Variants in DGKD observed in about 807,000 individuals in gnomAD.
The protein encoded by DGKD is DAG kinase delta.
In DGKD, 68 loss-of-function variants were observed where a neutral mutation model predicts 154.4. The observed-to-expected ratio is 0.44, with a 90% CI of 0.36 to 0.54. DGKD has a LOEUF of 0.54. DGKD is among the 20% of genes least tolerant of loss of function. The pLI, the probability that DGKD is intolerant of heterozygous loss-of-function variation, is 0.00. For synonymous variants in DGKD, 693 were observed against 638.0 expected (o/e 1.09, Z -1.30); for missense variants, 1,343 against 1,593.6 (o/e 0.84, Z 2.68).
chr2:233,446,935 A>G, intron 12 of DGKD, 139 bp downstream of exon 12: 1 of 975,868 alleles, frequency 1.0e-6, no homozygotes, highest in East Asian at 2.7e-5. Flanking sequence ...GCGGAGGCGC[A>G]GGGTGAACCC....
At chr2:233,395,875 C>T (rs959949849) in intron 3 of DGKD, among the ~76,000 whole-genome samples, 2 of 152,044 alleles carry the variant, frequency 1.3e-5, no homozygotes, top group African/African-American at 4.8e-5. Flanking sequence ...TTGTAGCCAG[C>T]CCATATGGTG....
At chr2:233,446,568 G>A in intron 11 of DGKD, 144 bp from the exon 12 acceptor site, 1 of 726,462 alleles carries the variant, frequency 1.4e-6, no homozygotes, top group Non-Finnish European at 2.2e-6. Context: ...CAAGTTATGG[G>A]ACAGAGTCAA....
Position 233,452,161 on chromosome 2 carries a change from C to T in DGKD, c.2264+101C>T. On this transcript the variant is annotated intron_variant, in intron 18 of 29. Transcript: ENST00000264057. This position sits in a 1 kb window ranked among gnomAD's most constrained non-coding sequence, Gnocchi z 4.0. ...ACTAGAGAAATTAGTGAGCAGTTGC[C>T]CAGCTGGTGGTAGCTGATAAGGAAG... 8.9e-7 allele frequency: 1 copy of T among 1,122,508 alleles called. No individual in the cohort carries two copies. The highest frequency in any genetic ancestry group is 1.3e-6 in the Non-Finnish European group (1 of 750,236). The allele number at this position is 1,122,508 out of a possible 1,614,324, so 69.5% of individuals were successfully genotyped here.
At chr2:233,442,499 A>G (rs548347978) in intron 10 of DGKD, 2 of 278,908 alleles carry the variant, frequency 7.2e-6, no homozygotes, top group East Asian at 8.2e-5. Context: ...GTGATCAGCC[A>G]GTGCCAACAT....
intron 19 of DGKD, 30 bp from the exon 20 acceptor site, chr2:233,456,868 AC>A (rs757051598): frequency 2.6e-6 from 4 of 1,563,130 alleles, no homozygotes; most frequent in Non-Finnish European, 3.5e-6. Context: ...GAAAGCCCAG[AC>A]CTATGGCAAG....
intron 3 of DGKD, among the ~76,000 whole-genome samples, chr2:233,433,379 A>T (rs1348943494): frequency 6.6e-6 from 1 of 152,088 alleles, no homozygotes; most frequent in South Asian, 2.1e-4. Flanking sequence ...GTGGGAGCTA[A>T]TAAAAAAAAA....
rs1447462979 is a variant in DGKD, at chr2:233,451,982, C to T, written c.2186C>T (p.Ser729Phe). 1.2e-6 allele frequency: 2 copies of T among 1,614,030 alleles called. No homozygotes were observed. Among genetic ancestry groups the T allele is most frequent in the South Asian group, 2.2e-5 (2 of 91,074 alleles). ...TTTACAGATGTCCGGGCTGGAATGT[C>T]TGGTTCCTTACCCGGTGGCTCAGTC... ...ILYPNVRAGM[S>F]GSLPGGSVIS... Residue 729 changes from serine (S) to phenylalanine (F), a missense_variant, in exon 18 of 30, where the codon TCT (serine) becomes TTT (phenylalanine). Ser to Phe is a radical substitution (Grantham distance 155). Transcript: ENST00000264057.
chr2:233,375,012 G>A lies in DGKD; in HGVS notation c.157-13245G>A, dbSNP rs188484461. Among the ~76,000 whole-genome samples, 277 of 152,242 alleles carry A rather than the reference G, an allele frequency of 1.8e-3. 4 individuals carry two copies. Among genetic ancestry groups the A allele is most frequent in the Admixed American group, 0.016 (250 of 15,292 alleles). On this transcript the variant is annotated intron_variant, in intron 1 of 29. Transcript: ENST00000264057. ...TACACACTTGAAAACAGATGGAGCC[G>A]GGCGTGGTGGCTCATGCCTGTAATC... is the stretch of plus-strand genomic sequence containing the variant.
intron 3 of DGKD, among the ~76,000 whole-genome samples, chr2:233,414,013 T>G (rs1475564935): frequency 6.6e-6 from 1 of 152,124 alleles, no homozygotes; most frequent in Non-Finnish European, 1.5e-5. Context: ...CAAATAAAAT[T>G]AGGAAGCGGG....
chr2:233,460,115 G>A lies in DGKD; in HGVS notation c.2830-79G>A, dbSNP rs765360170. The A allele has an allele frequency of 4.8e-5, 74 of 1,547,188 alleles. No homozygotes were observed. The African/African-American group carries it at 7.2e-4, about 15-fold the overall frequency. The stretch of plus-strand genomic sequence containing the variant: ...TTTGTCTCTTTCTAGTTGTGATCTC[G>A]TTGGCATCCCCATAGTGTCTGTCGC... On this transcript the variant is annotated intron_variant, in intron 23 of 29. Coordinates refer to ENST00000264057, the MANE Select transcript of DGKD (RefSeq NM_152879.3).
intron 1 of DGKD, among the ~76,000 whole-genome samples, chr2:233,374,305 A>G (rs6431364): frequency 6.8e-6 from 1 of 147,288 alleles, no homozygotes; most frequent in East Asian, 2.1e-4. Context: ...TCTGCCTCAG[A>G]CTCCCAAAGT....
intron 1 of DGKD, among the ~76,000 whole-genome samples, chr2:233,357,533 CTTTCT>C (rs1211639070): frequency 2.2e-4 from 31 of 142,718 alleles, no homozygotes; most frequent in African/African-American, 7.2e-4. Flanking sequence ...TTCTTTCTTT[CTTTCT>C]TTTTTTTTTT....
chr2:233,395,851 T>C (rs763545004), intron 3 of DGKD, among the ~76,000 whole-genome samples: 42 of 152,182 alleles, frequency 2.8e-4, no homozygotes, highest in Non-Finnish European at 5.3e-4. Context: ...CAAATTTTAT[T>C]ATGCTAGACC....
rs147504312 is a variant in DGKD at position 233,438,353 on chromosome 2, C to T, written c.1059C>T (p.Asp353=). ...TACTAAACCCCGCCCAGGTCTTCGA[C>T]CTCATGAACGGAGGCCCACACCTCG... ...KQLLNPAQVF[D]LMNGGPHLGL... The change falls in exon 9 of 30, where the codon GAC becomes GAT. Residue 353 remains aspartate (D), a synonymous_variant. Coordinates refer to ENST00000264057, the MANE Select transcript of DGKD (RefSeq NM_152879.3). This position sits in a 1 kb window ranked among gnomAD's most constrained non-coding sequence, Gnocchi z 4.1. The T allele has an allele frequency of 9.1e-5, 147 of 1,613,736 alleles. No homozygotes were observed. The highest frequency in any genetic ancestry group is 1.6e-4 in the Middle Eastern group (1 of 6,080).
At chr2:233,461,724 G>A (rs1037605337) in intron 24 of DGKD, among the ~76,000 whole-genome samples, 2 of 152,276 alleles carry the variant, frequency 1.3e-5, no homozygotes, top group African/African-American at 4.8e-5. Flanking sequence ...GAAGCTGCTG[G>A]CAGCGGCCTG....
rs746346291 is a variant in DGKD, at chr2:233,464,317, C to T, written c.3306+34C>T. 2.6e-5 allele frequency: 42 copies of T among 1,607,008 alleles called. 2 individuals are homozygous for T. Among genetic ancestry groups the T allele is most frequent in the South Asian group, 1.7e-4 (15 of 90,862 alleles). ...CTCATAGGGCTGTGCCTGGGTCTCC[C>T]GGACATGGTGGCTCTCGCCTGAAGT... On this transcript the variant is annotated intron_variant, in intron 27 of 29. Transcript: ENST00000264057.
In DGKD at chr2:233,440,629, G is replaced by A. The variant is rs1322374155; in HGVS notation, c.1086-1258G>A. 6.6e-6 allele frequency among the ~76,000 whole-genome samples: 1 copy of A among 152,166 alleles called. No individual in the cohort carries two copies. Among genetic ancestry groups the A allele is most frequent in the Admixed American group, 6.5e-5 (1 of 15,286 alleles). ...CTGAGGGCACCGCTTGTGCAGAGGC[G>A]AGGCAAGAGGGAATGCAGTGGGGCC... On this transcript the variant is annotated intron_variant, in intron 9 of 29. Coordinates refer to ENST00000264057, the MANE Select transcript of DGKD (RefSeq NM_152879.3). This position sits in a 1 kb window ranked among gnomAD's most constrained non-coding sequence, Gnocchi z 4.9.
At chr2:233,395,708 G>A (rs760246260) in intron 3 of DGKD, among the ~76,000 whole-genome samples, 1 of 134,932 alleles carries the variant, frequency 7.4e-6, no homozygotes, top group Non-Finnish European at 1.5e-5. Context: ...TTACTCTGTC[G>A]CCCGGGCTGG....
At chr2:233,466,563 G>A (rs1242808456) in intron 27 of DGKD, among the ~76,000 whole-genome samples, 3 of 152,106 alleles carry the variant, frequency 2.0e-5, no homozygotes, top group Non-Finnish European at 4.4e-5. Flanking sequence ...AGAGGCTGCC[G>A]CCGCCGATGG....
Sources: gnomAD v4.1 joint callset for allele counts (sites outside exome capture counted in the v4.1 genomes callset) on GRCh38, gnomAD v4.1.1 for gene constraint, Gnocchi (gnomAD v3.1) non-coding constraint, MANE v1.5 for transcripts, NCBI Gene and HGNC (gene_info 2026-07-23, HGNC 2026-07-21) for gene names.